The following CMSS1 variants were observed in gnomAD, a reference collection of about 807,000 sequenced individuals.
CMSS1 encodes the protein cms1 ribosomal small subunit homolog, also known as protein CMSS1.
In CMSS1, 33 loss-of-function variants were observed where a neutral mutation model predicts 43.5. That is an observed-to-expected ratio of 0.76 (90% CI 0.57 to 1.01). CMSS1 has a LOEUF of 1.01. Ranked by LOEUF, CMSS1 falls within the 50% of genes least tolerant of loss-of-function variation. The pLI, the probability that CMSS1 is intolerant of heterozygous loss-of-function variation, is 0.00. For missense variants in CMSS1, 313 were observed against 326.4 expected (o/e 0.96, Z 0.32); for synonymous variants, 115 against 117.2 (o/e 0.98, Z 0.12).
chr3:100,073,356 A>G (rs944353271), intron 1 of CMSS1, among the ~76,000 whole-genome samples: 4 of 152,206 alleles, frequency 2.6e-5, no homozygotes, highest in Admixed American at 1.3e-4. Flanking sequence ...GTCCTTCACA[A>G]AAAAAGTTTG....
chr3:99,962,981 A>T (rs1301430665), intron 1 of CMSS1, among the ~76,000 whole-genome samples: 1 of 152,234 alleles, frequency 6.6e-6, no homozygotes, highest in Admixed American at 6.5e-5. Flanking sequence ...GCATTGCTGC[A>T]TGGAAGAGAT....
intron 1 of CMSS1, among the ~76,000 whole-genome samples, chr3:99,965,962 T>C (rs555149789): frequency 1.6e-4 from 25 of 152,110 alleles, no homozygotes; most frequent in African/African-American, 5.8e-4. Context: ...TCTCTCCCCA[T>C]ATGTAAGCCC....
chr3:100,119,263 T>C (rs1576084679), intron 1 of CMSS1, among the ~76,000 whole-genome samples: 1 of 152,212 alleles, frequency 6.6e-6, no homozygotes, highest in Non-Finnish European at 1.5e-5. Context: ...CTATGAATTA[T>C]AAAGGAAAAA....
chr3:100,036,383 T>G (rs1200131888), intron 1 of CMSS1, among the ~76,000 whole-genome samples: 1 of 152,150 alleles, frequency 6.6e-6, no homozygotes, highest in Non-Finnish European at 1.5e-5. Flanking sequence ...GATGAGGACA[T>G]GTCAAAAGGA....
chr3:99,870,403 T>C (rs1005320826), intron 1 of CMSS1, among the ~76,000 whole-genome samples: 1 of 152,210 alleles, frequency 6.6e-6, no homozygotes, highest in African/African-American at 2.4e-5. Context: ...CCCACATTGT[T>C]TATCTTTACT....
intron 1 of CMSS1, among the ~76,000 whole-genome samples, chr3:100,140,591 A>G (rs1303524686): frequency 6.6e-6 from 1 of 152,030 alleles, no homozygotes; most frequent in Admixed American, 6.5e-5. Context: ...GCTTCAAGGG[A>G]TTCTCTTGCC....
At chr3:100,128,630 G>T (rs2066681456) in intron 1 of CMSS1, among the ~76,000 whole-genome samples, 1 of 152,064 alleles carries the variant, frequency 6.6e-6, no homozygotes, top group African/African-American at 2.4e-5. Context: ...AGTTCCTTAA[G>T]ATCCCTTCCC....
chr3:99,963,464 C>A (rs1708553346), intron 1 of CMSS1, among the ~76,000 whole-genome samples: 1 of 151,196 alleles, frequency 6.6e-6, no homozygotes, highest in Non-Finnish European at 1.5e-5. Flanking sequence ...CTCTGTGGGT[C>A]CAAAAAGAAG....
intron 1 of CMSS1, among the ~76,000 whole-genome samples, chr3:99,980,031 G>A (rs183195693): frequency 5.1e-4 from 77 of 151,990 alleles, no homozygotes; most frequent in African/African-American, 1.5e-3. Context: ...GCACTGGGGG[G>A]AAAGAATTCT....
intron 1 of CMSS1, among the ~76,000 whole-genome samples, chr3:99,839,742 C>T (rs1576499440): frequency 6.6e-6 from 1 of 152,152 alleles, no homozygotes; most frequent in Non-Finnish European, 1.5e-5. Context: ...TGAACATGCT[C>T]TCAGCCAGTC....
chr3:99,941,982 G>A (rs1001012019), intron 1 of CMSS1, among the ~76,000 whole-genome samples: 9 of 152,098 alleles, frequency 5.9e-5, no homozygotes, highest in Admixed American at 6.5e-5. Context: ...TAAATTAGGT[G>A]ATATTAAGAA....
intron 1 of CMSS1, among the ~76,000 whole-genome samples, chr3:99,885,530 A>T (rs1324544152): frequency 6.6e-6 from 1 of 152,260 alleles, no homozygotes; most frequent in Admixed American, 6.5e-5. Flanking sequence ...ATTTAGCACA[A>T]GTTCATAAAC....
chr3:99,870,615 G>A (rs1167793251), intron 1 of CMSS1, among the ~76,000 whole-genome samples: 2 of 152,158 alleles, frequency 1.3e-5, no homozygotes, highest in African/African-American at 4.8e-5. Context: ...CTTAGTTGCT[G>A]GGCCTGTTTT....
intron 1 of CMSS1, among the ~76,000 whole-genome samples, chr3:100,129,239 G>C (rs2066687253): frequency 6.6e-6 from 1 of 152,138 alleles, no homozygotes; most frequent in Non-Finnish European, 1.5e-5. Flanking sequence ...CCTCCTCGGG[G>C]CTTAGCACAG....
intron 2 of CMSS1, among the ~76,000 whole-genome samples, chr3:100,156,307 T>C (rs1338026809): frequency 7.5e-6 from 1 of 133,394 alleles, no homozygotes; most frequent in Non-Finnish European, 1.6e-5. Context: ...TTCTTTTTTT[T>C]TTTTTTTTTT....
intron 1 of CMSS1, among the ~76,000 whole-genome samples, chr3:99,974,118 TG>T (rs1708900053): frequency 6.6e-6 from 1 of 152,212 alleles, no homozygotes; most frequent in Non-Finnish European, 1.5e-5. Context: ...TCTTTTAATT[TG>T]AAAGTTAAAC....
Position 100,167,736 on chromosome 3 carries a change from A to G in CMSS1, c.416-2A>G. On this transcript the variant is annotated splice_acceptor_variant, in intron 5 of 9. Transcript: ENST00000421999. LOFTEE classifies it high-confidence loss of function. ...ATAATTGTTTTCTGTTCTTTTTTCC[A>G]GTTTGTCCTAAGTGGGTAAAACTTA... is the stretch of plus-strand genomic sequence containing the variant. 1.3e-6 allele frequency: 2 copies of G among 1,597,084 alleles called. No individual in the cohort carries two copies. Among genetic ancestry groups the G allele is most frequent in the Non-Finnish European group, 1.7e-6 (2 of 1,169,940 alleles).
At chr3:99,955,793 A>C (rs1342365637) in intron 1 of CMSS1, among the ~76,000 whole-genome samples, 1 of 152,200 alleles carries the variant, frequency 6.6e-6, no homozygotes, top group African/African-American at 2.4e-5. Flanking sequence ...GAAGGAAATA[A>C]GATGGAATTT....
intron 1 of CMSS1, among the ~76,000 whole-genome samples, chr3:99,837,539 T>G (rs764544058): frequency 4.6e-5 from 7 of 152,092 alleles, no homozygotes; most frequent in Non-Finnish European, 1.0e-4. Context: ...TGATGCAGAT[T>G]ATTGTATTGT....
Sources: gnomAD v4.1 joint callset for allele counts (sites outside exome capture counted in the v4.1 genomes callset) on GRCh38, gnomAD v4.1.1 for gene constraint, MANE v1.5 for transcripts, NCBI Gene and HGNC (gene_info 2026-07-23, HGNC 2026-07-21) for gene names.